The following SLC13A1 variants were observed in gnomAD, a reference collection of about 807,000 sequenced individuals.
SLC13A1 encodes the protein solute carrier family 13 member 1.
SLC13A1 carries 65 observed loss-of-function variants against 70.0 expected under a neutral mutation model. The observed-to-expected ratio is 0.93, with a 90% CI of 0.76 to 1.14. The LOEUF is 1.14. Among genes scored for constraint, SLC13A1 ranks in the 50% most tolerant of loss-of-function variants. SLC13A1 has a pLI of 0.00. For synonymous variants in SLC13A1, 275 were observed against 250.5 expected, an observed-to-expected ratio of 1.10 and a Z score of -0.92; for missense variants, 726 against 717.8, an observed-to-expected ratio of 1.01 and a Z score of -0.13.
chr7:123,171,281 T>C (rs997700566), intron 3 of SLC13A1, among the ~76,000 whole-genome samples: 1 of 152,184 alleles, frequency 6.6e-6, no homozygotes, highest in African/African-American at 2.4e-5. Flanking sequence ...TTTGCAACAG[T>C]TGGTTTAAAA....
In SLC13A1 at chr7:123,125,555, A is replaced by T. The variant is rs765578532; in HGVS notation, c.1240+14T>A. On this transcript the variant is annotated intron_variant, in intron 11 of 14. Coordinates refer to ENST00000194130, the MANE Select transcript of SLC13A1 (RefSeq NM_022444.4). The stretch of plus-strand genomic sequence containing the variant: ...TTCTGTTAAATTTATGCAGAATTAT[A>T]AATGATACTCAACCAATTTCTCCTG... 11 of 1,558,760 alleles carry T rather than the reference A, an allele frequency of 7.1e-6. No homozygotes were observed. The South Asian group carries it at 1.3e-4, about 18-fold the overall frequency.
rs1331292218 is a variant in SLC13A1 at position 123,199,823 on chromosome 7, C to G, written c.99+25G>C. The G allele has an allele frequency of 2.0e-6, 3 of 1,518,000 alleles. No homozygotes were observed. The African/African-American group carries it at 4.1e-5, about 21-fold the overall frequency. The allele number at this position is 1,518,000 out of a possible 1,614,324, so 94.0% of individuals were successfully genotyped here. ...CAATTAAATAAGTCAGGAAATCCAC[C>G]AGTCTGTTCTCCAGGTTCACTCACC... On this transcript the variant is annotated intron_variant, in intron 1 of 14. Transcript: ENST00000194130.
intron 1 of SLC13A1, among the ~76,000 whole-genome samples, chr7:123,196,425 C>T (rs748642689): frequency 1.9e-4 from 29 of 152,058 alleles, no homozygotes; most frequent in Non-Finnish European, 3.4e-4. Context: ...CACAGATACT[C>T]AGTTGTGATT....
chr7:123,172,570 G>A (rs954337622), intron 2 of SLC13A1, among the ~76,000 whole-genome samples: 11 of 152,152 alleles, frequency 7.2e-5, no homozygotes, highest in Admixed American at 2.6e-4. Context: ...GCAGTGAGCC[G>A]AGATCGTGCC....
At chr7:123,136,119 A>G (rs1037258652) in intron 7 of SLC13A1, among the ~76,000 whole-genome samples, 2 of 152,206 alleles carry the variant, frequency 1.3e-5, no homozygotes, top group South Asian at 2.1e-4. Context: ...GTTTAGACCC[A>G]TGTCCTCAAG....
chr7:123,194,672 G>A (rs1796118572), intron 1 of SLC13A1, among the ~76,000 whole-genome samples: 1 of 151,972 alleles, frequency 6.6e-6, no homozygotes, highest in Non-Finnish European at 1.5e-5. Flanking sequence ...AAAGAGAGGA[G>A]AAGATGAGGT....
chr7:123,164,158 G>A (rs1432441875), intron 6 of SLC13A1, among the ~76,000 whole-genome samples: 2 of 151,974 alleles, frequency 1.3e-5, no homozygotes, highest in African/African-American at 2.4e-5. Context: ...CAGTGAAATA[G>A]GGAGATTAGG....
chr7:123,123,321 A>G, intron 11 of SLC13A1, 86 bp from the exon 12 acceptor site: 2 of 837,492 alleles, frequency 2.4e-6, no homozygotes, highest in Non-Finnish European at 4.1e-6. Context: ...GCCATCTTAC[A>G]GGAAGTTTGT....
chr7:123,190,932 T>C (rs1795973475), intron 1 of SLC13A1, among the ~76,000 whole-genome samples: 1 of 152,212 alleles, frequency 6.6e-6, no homozygotes, highest in African/African-American at 2.4e-5. Context: ...GTTTCTCTTT[T>C]TTTGTTTTTT....
intron 1 of SLC13A1, among the ~76,000 whole-genome samples, chr7:123,187,492 A>C (rs1256064675): frequency 6.6e-6 from 1 of 152,188 alleles, no homozygotes; most frequent in Non-Finnish European, 1.5e-5. Flanking sequence ...AACATTCCAT[A>C]TTCTGTTAAA....
rs1793119032 is a variant in SLC13A1 at position 123,114,559 on chromosome 7, A to G, written c.*959T>C. 6.7e-6 allele frequency: 1 copy of G among 150,180 alleles called. No homozygotes were observed. Among genetic ancestry groups the G allele is most frequent in the Non-Finnish European group, 1.5e-5 (1 of 67,394 alleles). 9.3% of individuals were successfully genotyped at this position (150,180 alleles called of 1,614,324 possible). A position where few individuals can be genotyped will look rare whatever the true frequency, so the allele number is the denominator to read the frequency against. On this transcript the variant is annotated 3_prime_UTR_variant, in exon 15 of 15. Transcript: ENST00000194130. Reference sequence around the variant, plus strand: ...TTTCATTGCAATGTTAACACACCAGAGTTATGTGATTTTTCTGTCTGTATA... The same window carrying G: ...TTTCATTGCAATGTTAACACACCAGGGTTATGTGATTTTTCTGTCTGTATA...
intron 2 of SLC13A1, among the ~76,000 whole-genome samples, chr7:123,177,148 CT>C (rs1180954459): frequency 2.6e-5 from 4 of 152,110 alleles, no homozygotes; most frequent in Non-Finnish European, 5.9e-5. Context: ...CACTTCCCAT[CT>C]TCCTCCCATT....
intron 6 of SLC13A1, among the ~76,000 whole-genome samples, chr7:123,156,067 C>A (rs1794702724): frequency 6.6e-6 from 1 of 152,106 alleles, no homozygotes; most frequent in African/African-American, 2.4e-5. Context: ...TTTCTTCCTC[C>A]TGCTTTTCAG....
At chr7:123,122,027 C>G (rs894336081) in intron 12 of SLC13A1, among the ~76,000 whole-genome samples, 4 of 152,052 alleles carry the variant, frequency 2.6e-5, no homozygotes, top group African/African-American at 7.2e-5. Context: ...TTCCCAAATT[C>G]TTCTACTGAG....
intron 9 of SLC13A1, 86 bp from the exon 10 acceptor site, chr7:123,129,032 C>A: frequency 1.1e-6 from 1 of 872,426 alleles, no homozygotes; most frequent in Non-Finnish European, 1.9e-6. Flanking sequence ...CAGGAATGAT[C>A]GCAGTAGAAC....
intron 6 of SLC13A1, among the ~76,000 whole-genome samples, chr7:123,157,822 G>C (rs1794762750): frequency 1.3e-5 from 2 of 151,964 alleles, no homozygotes; most frequent in Non-Finnish European, 2.9e-5. Flanking sequence ...AGGAGAGCTT[G>C]GTATAAAAGA....
intron 2 of SLC13A1, among the ~76,000 whole-genome samples, chr7:123,179,178 GA>G (rs1037439361): frequency 6.6e-5 from 10 of 151,974 alleles, no homozygotes; most frequent in Admixed American, 2.6e-4. Flanking sequence ...ACATTTTCAT[GA>G]AAAAAACTAA....
At chr7:123,176,586 C>A (rs952045722) in intron 2 of SLC13A1, among the ~76,000 whole-genome samples, 2 of 152,134 alleles carry the variant, frequency 1.3e-5, no homozygotes, top group African/African-American at 4.8e-5. Context: ...TTAAATATTA[C>A]CTCACACCAA....
At chr7:123,129,987 C>A (rs1231316077) in intron 8 of SLC13A1, among the ~76,000 whole-genome samples, 1 of 152,164 alleles carries the variant, frequency 6.6e-6, no homozygotes. Context: ...CTGAACACTG[C>A]TACCTCTGAA....
Sources: gnomAD v4.1 joint callset for allele counts (sites outside exome capture counted in the v4.1 genomes callset) on GRCh38, gnomAD v4.1.1 for gene constraint, MANE v1.5 for transcripts, NCBI Gene and HGNC (gene_info 2026-07-23, HGNC 2026-07-21) for gene names.